Variants in ATP6V1A observed in about 807,000 individuals in gnomAD.
The protein encoded by ATP6V1A is V-type proton ATPase catalytic subunit A.
ATP6V1A carries 18 observed loss-of-function variants against 70.1 expected under a neutral mutation model. The observed-to-expected ratio is 0.26, with a 90% CI of 0.18 to 0.38. The LOEUF (loss-of-function observed/expected upper bound fraction) is 0.38, where lower values mean the gene tolerates loss of function less well. Among genes scored for constraint, ATP6V1A ranks in the 10% least tolerant of loss-of-function variants. The pLI is 1.00. For synonymous variants in ATP6V1A, 232 were observed against 253.8 expected (o/e 0.91, Z 0.82); for missense variants, 424 against 772.4 (o/e 0.55, Z 5.35).
chr3:113,805,306 G>A, intron 13 of ATP6V1A, 48 bp from the exon 14 acceptor site: 3 of 1,563,578 alleles, frequency 1.9e-6, no homozygotes, highest in Non-Finnish European at 8.8e-7. Flanking sequence ...GTATGAACCT[G>A]TTTTGGAGTT....
At chr3:113,775,973 G>C (rs902631935) in intron 1 of ATP6V1A, among the ~76,000 whole-genome samples, 3 of 152,044 alleles carry the variant, frequency 2.0e-5, no homozygotes, top group Non-Finnish European at 2.9e-5. Context: ...TTTCTAGAAC[G>C]TCTTGTTCTG....
At chr3:113,807,633 T>C (rs1162593770) in intron 14 of ATP6V1A, among the ~76,000 whole-genome samples, 2 of 152,164 alleles carry the variant, frequency 1.3e-5, no homozygotes, top group Non-Finnish European at 2.9e-5. Flanking sequence ...AACTTCCATA[T>C]GTAACTTGAT....
chr3:113,758,442 C>T (rs949940579), intron 1 of ATP6V1A, among the ~76,000 whole-genome samples: 1 of 151,956 alleles, frequency 6.6e-6, no homozygotes, highest in Non-Finnish European at 1.5e-5. Flanking sequence ...TACCTCCCCA[C>T]CTCCTGTCCT....
At chr3:113,754,316 T>G (rs1708623480) in intron 1 of ATP6V1A, among the ~76,000 whole-genome samples, 1 of 152,010 alleles carries the variant, frequency 6.6e-6, no homozygotes, top group Non-Finnish European at 1.5e-5. Context: ...TTGAGCCCGG[T>G]GTTGGAGACC....
Position 113,784,292 on chromosome 3 carries a change from A to G in ATP6V1A, c.280A>G (p.Ile94Val), listed in dbSNP as rs766598300. 4 of 1,614,176 alleles carry G rather than the reference A, an allele frequency of 2.5e-6. No homozygotes were observed. The highest frequency in any genetic ancestry group is 2.2e-5 in the East Asian group (1 of 44,876). ...CCTCTCTGTAGAGCTTGGTCCTGGC[A>G]TTATGGGAGCCATTTTTGATGGTAT... ...KPLSVELGPG[I>V]MGAIFDGIQR... is the part of the protein sequence containing the mutation. The change falls in exon 4 of 15, where the codon ATT (isoleucine) becomes GTT (valine). Residue 94 changes from isoleucine (I) to valine (V), a missense_variant. Physicochemically the swap from Ile to Val is conservative, Grantham distance 29. Coordinates refer to ENST00000273398, the MANE Select transcript of ATP6V1A (RefSeq NM_001690.4).
chr3:113,757,717 A>G (rs1019976045), intron 1 of ATP6V1A, among the ~76,000 whole-genome samples: 6 of 152,260 alleles, frequency 3.9e-5, no homozygotes, highest in Admixed American at 3.3e-4. Flanking sequence ...AGCCTTATCC[A>G]GAGCCACATA....
chr3:113,756,102 A>G (rs375467471), intron 1 of ATP6V1A, among the ~76,000 whole-genome samples: 2 of 152,186 alleles, frequency 1.3e-5, no homozygotes, highest in Admixed American at 6.5e-5. Flanking sequence ...TCTATATTTA[A>G]CAAATGAGGA....
At chr3:113,798,566 T>C in intron 12 of ATP6V1A, 120 bp downstream of exon 12, 2 of 854,544 alleles carry the variant, frequency 2.3e-6, no homozygotes. Context: ...ATTAAATATT[T>C]TTAATTGAAA....
intron 14 of ATP6V1A, among the ~76,000 whole-genome samples, chr3:113,806,463 A>C (rs1388855541): frequency 6.6e-6 from 1 of 151,608 alleles, no homozygotes; most frequent in African/African-American, 2.4e-5. Context: ...GTCATTTTTT[A>C]ACTTTTTTTT....
intron 11 of ATP6V1A, among the ~76,000 whole-genome samples, chr3:113,796,323 A>G (rs1414266506): frequency 6.6e-6 from 1 of 152,216 alleles, no homozygotes; most frequent in African/African-American, 2.4e-5. Context: ...TCTTCTGTTT[A>G]GTGATAATTC....
intron 1 of ATP6V1A, among the ~76,000 whole-genome samples, chr3:113,773,773 C>T (rs1708877635): frequency 6.6e-6 from 1 of 152,138 alleles, no homozygotes; most frequent in Admixed American, 6.6e-5. Flanking sequence ...AGCTTAACCT[C>T]CTATTAAGTG....
intron 4 of ATP6V1A, 26 bp downstream of exon 4, chr3:113,784,464 T>C: frequency 6.4e-7 from 1 of 1,555,796 alleles, no homozygotes; most frequent in Non-Finnish European, 8.8e-7. Context: ...CAAGAATTTC[T>C]GAAGTTATTG....
At chr3:113,752,252 T>C (rs1483536441) in intron 1 of ATP6V1A, among the ~76,000 whole-genome samples, 4 of 151,838 alleles carry the variant, frequency 2.6e-5, no homozygotes, top group African/African-American at 9.7e-5. Flanking sequence ...ACTTTATAAG[T>C]TTTTAGTTCT....
rs182105198 is a variant in ATP6V1A at position 113,789,550 on chromosome 3, T to C, written c.880-182T>C. On this transcript the variant is annotated intron_variant, in intron 7 of 14. Transcript: ENST00000273398. ...ATTTATGAAATTGAAATAATGTCTA[T>C]CTTCTTCATAGCACCGTGGAGCAGA... is the stretch of plus-strand genomic sequence containing the variant. Among the ~76,000 whole-genome samples the C allele has an allele frequency of 2.2e-4, 33 of 152,282 alleles. No homozygotes were observed. In the East Asian group the frequency reaches 5.2e-3, roughly 24 times the overall value.
At chr3:113,760,892 C>G (rs899174086) in intron 1 of ATP6V1A, among the ~76,000 whole-genome samples, 1 of 151,730 alleles carries the variant, frequency 6.6e-6, no homozygotes, top group South Asian at 2.1e-4. Context: ...TATGGTGAAA[C>G]TCTGTCTCTA....
At chr3:113,786,097 A>G in intron 5 of ATP6V1A, 135 bp from the exon 6 acceptor site, 1 of 568,356 alleles carries the variant, frequency 1.8e-6, no homozygotes, top group Non-Finnish European at 2.6e-6. Context: ...AATTAATTAT[A>G]ATAAAAAGTA....
chr3:113,762,170 T>C, intron 1 of ATP6V1A, among the ~76,000 whole-genome samples: 1 of 137,032 alleles, frequency 7.3e-6, no homozygotes, highest in African/African-American at 2.7e-5. Flanking sequence ...AAAAAGTTTC[T>C]AAGTATTTTA....
chr3:113,769,333 TATA>T (rs1011569730), intron 1 of ATP6V1A, among the ~76,000 whole-genome samples: 10 of 152,240 alleles, frequency 6.6e-5, no homozygotes, highest in African/African-American at 2.4e-4. Context: ...AGTAATTGGT[TATA>T]ATCCATTAGA....
At chr3:113,774,776 G>A (rs1167240416) in intron 1 of ATP6V1A, among the ~76,000 whole-genome samples, 1 of 150,490 alleles carries the variant, frequency 6.6e-6, no homozygotes. Flanking sequence ...TTGCACCACT[G>A]CACTCCAGCC....
Sources: allele counts gnomAD v4.1 joint callset (sites outside exome capture counted in the v4.1 genomes callset), GRCh38; gene constraint gnomAD v4.1.1; transcripts MANE v1.5; gene names NCBI Gene and HGNC (gene_info 2026-07-23, HGNC 2026-07-21).